The following LRP10 variants were observed in gnomAD, a reference collection of about 807,000 sequenced individuals.
LRP10 encodes low-density lipoprotein receptor-related protein 10.
Under a neutral mutation model 58.5 loss-of-function variants are expected in LRP10, and 42 were observed. The ratio of observed to expected loss-of-function variants is 0.72; its 90% CI spans 0.56 to 0.93. The LOEUF (loss-of-function observed/expected upper bound fraction) is 0.93, where lower values mean the gene tolerates loss of function less well. Among genes scored for constraint, LRP10 ranks in the 40% least tolerant of loss-of-function variants. The pLI, the probability that LRP10 is intolerant of heterozygous loss-of-function variation, is 0.00. For synonymous variants in LRP10, 377 were observed against 388.5 expected (o/e 0.97, Z 0.35); for missense variants, 872 against 940.1 (o/e 0.93, Z 0.95).
Position 22,877,513 on chromosome 14 carries a change from C to G in LRP10, c.2128C>G (p.Pro710Ala). ...GVWVAEAEDE[P>A]LLT Reference sequence around the variant, plus strand: ...GTGGGTAGCTGAGGCAGAGGATGAGCCACTGCTTACCTGAGGGGACCTGGG... The same window carrying G: ...GTGGGTAGCTGAGGCAGAGGATGAGGCACTGCTTACCTGAGGGGACCTGGG... Residue 710 changes from proline (P) to alanine (A), a missense_variant, in exon 7 of 7, where the codon CCA (proline) becomes GCA (alanine). By Grantham distance (27) the Pro-to-Ala change is conservative (BLOSUM62 -1). Transcript: ENST00000359591. This position sits in a 1 kb window ranked among gnomAD's most constrained non-coding sequence, Gnocchi z 5.1. 2 of 1,601,244 alleles carry G rather than the reference C, an allele frequency of 1.2e-6. No individual in the cohort carries two copies. Among genetic ancestry groups the G allele is most frequent in the Non-Finnish European group, 1.7e-6 (2 of 1,173,568 alleles).
Position 22,872,197 on chromosome 14 carries a change from C to T in LRP10, c.-107C>T, listed in dbSNP as rs948060274. The T allele has an allele frequency of 9.3e-6, 11 of 1,183,786 alleles. No homozygotes were observed. Among genetic ancestry groups the T allele is most frequent in the Non-Finnish European group, 1.3e-5 (10 of 790,034 alleles). The allele number at this position is 1,183,786 out of a possible 1,614,324, so 73.3% of individuals were successfully genotyped here. A position where few individuals can be genotyped will look rare whatever the true frequency, so the allele number is the denominator to read the frequency against. ...GTCGAGCCCGGGCCATGGAGCCCCC[C>T]TGGGGAGGCGGCACCAGGGAGCCTG... On this transcript the variant is annotated 5_prime_UTR_variant, in exon 1 of 7. Transcript: ENST00000359591.
At position 22,879,035 on chromosome 14, in the gene LRP10, T is replaced by C; in HGVS notation, c.*1508T>C. On this transcript the variant is annotated 3_prime_UTR_variant, in exon 7 of 7. Transcript: ENST00000359591. ...GAAAGAGGCTCCCCTCAGGCTCTCC[T>C]TGTCTAGCCCCACACCTGGCAGAGC... 1 of 343,902 alleles carries C rather than the reference T, an allele frequency of 2.9e-6. No homozygotes were observed. The highest frequency in any genetic ancestry group is 7.5e-5 in the East Asian group (1 of 13,272). 21.3% of individuals were successfully genotyped at this position (343,902 alleles called of 1,614,324 possible).
At chr14:22,874,614 A>G (rs553180606) in intron 3 of LRP10, among the ~76,000 whole-genome samples, 37 of 152,318 alleles carry the variant, frequency 2.4e-4, no homozygotes, top group Non-Finnish European at 4.7e-4. Flanking sequence ...GCTGCCGGGC[A>G]TGGTGGCTCA....
chr14:22,872,802 GGGGCTCCGT>G lies in LRP10; in HGVS notation c.79+26_79+34del. On this transcript the variant is annotated intron_variant, in intron 2 of 6. Transcript: ENST00000359591. ...ATCATGGTGAGTTGAGGGAACCTCT[GGGGCTCCGT>G]GGGCTTGGGAATGAGGGAGCAGTCG... 6.2e-7 allele frequency: 1 copy of G among 1,613,812 alleles called. No individual in the cohort carries two copies. Among genetic ancestry groups the G allele is most frequent in the Non-Finnish European group, 8.5e-7 (1 of 1,179,708 alleles).
rs752235601 is a variant in LRP10 at position 22,879,979 on chromosome 14, G to A, written c.*2452G>A. 5 of 152,202 alleles carry A rather than the reference G, an allele frequency of 3.3e-5. No homozygotes were observed. The highest frequency in any genetic ancestry group is 6.5e-5 in the Admixed American group (1 of 15,276). The allele number at this position is 152,202 out of a possible 1,614,324, so 9.4% of individuals were successfully genotyped here. On this transcript the variant is annotated 3_prime_UTR_variant, in exon 7 of 7. Transcript: ENST00000359591. ...AATATCCAAGGTGCTTGGTCTTAGC[G>A]GTGTGGGACCCACGTTAAGGCTCTT...
rs1351810934 is a variant in LRP10, at chr14:22,879,231, G to C, written c.*1704G>C. On this transcript the variant is annotated 3_prime_UTR_variant, in exon 7 of 7. Coordinates refer to ENST00000359591, the MANE Select transcript of LRP10 (RefSeq NM_014045.5). ...GAGCCTGAGGAAGTAGCAGAGAGGGGTGTGGGCCCATGTGCAGTTCTGGGA... is the reference window on the plus strand; with the variant it reads ...GAGCCTGAGGAAGTAGCAGAGAGGGCTGTGGGCCCATGTGCAGTTCTGGGA... The C allele has an allele frequency of 2.2e-6, 1 of 456,626 alleles. No individual in the cohort carries two copies. The highest frequency in any genetic ancestry group is 2.3e-5 in the Admixed American group (1 of 42,576). The allele number at this position is 456,626 out of a possible 1,614,324, so 28.3% of individuals were successfully genotyped here.
chr14:22,872,932 C>T (rs956809148), intron 2 of LRP10, 150 bp downstream of exon 2: 15 of 735,144 alleles, frequency 2.0e-5, no homozygotes, highest in Non-Finnish European at 3.2e-5. Flanking sequence ...AGCTGAGGCT[C>T]GGTGTGGACC....
At position 22,873,664 on chromosome 14, in the gene LRP10, G is replaced by A. The variant is rs561435701; in HGVS notation, c.215+218G>A. On this transcript the variant is annotated intron_variant, in intron 3 of 6. Transcript: ENST00000359591. ...CTTGGCCTCCCGAGTAGCTGGGATT[G>A]CAGGTGCCCGCCACCATGCCCAGCT... Among the ~76,000 whole-genome samples the A allele has an allele frequency of 7.9e-5, 12 of 151,996 alleles. No homozygotes were observed. In the East Asian group the frequency reaches 2.1e-3, roughly 27 times the overall value.
chr14:22,874,535 C>T (rs780112742), intron 3 of LRP10, among the ~76,000 whole-genome samples: 2 of 152,126 alleles, frequency 1.3e-5, no homozygotes, highest in Admixed American at 6.5e-5. Flanking sequence ...GGTCTCATGG[C>T]GATACCATGA....
chr14:22,872,377 C>G, intron 1 of LRP10, 40 bp downstream of exon 1: 2 of 1,613,294 alleles, frequency 1.2e-6, no homozygotes, highest in African/African-American at 2.7e-5. Flanking sequence ...CCTTCTGTCA[C>G]CGGGCCAGCA....
In LRP10 at chr14:22,875,647, C is replaced by T. The variant is rs2039995633; in HGVS notation, c.699C>T (p.Ala233=). 6.2e-7 allele frequency: 1 copy of T among 1,614,144 alleles called. No homozygotes were observed. Among genetic ancestry groups the T allele is most frequent in the Non-Finnish European group, 8.5e-7 (1 of 1,180,048 alleles). ...LLDPHDGRRL[A]VRFTALDLGF... is the part of the protein sequence containing the mutation. Reference sequence around the variant, plus strand: ...ACCCCCATGATGGCCGGCGGCTGGCCGTGCGCTTCACAGCCCTGGACTTGG... The same window carrying T: ...ACCCCCATGATGGCCGGCGGCTGGCTGTGCGCTTCACAGCCCTGGACTTGG... The change falls in exon 5 of 7, where the codon GCC becomes GCT. Residue 233 remains alanine, a synonymous_variant. Coordinates refer to ENST00000359591, the MANE Select transcript of LRP10 (RefSeq NM_014045.5).
In LRP10 at chr14:22,877,634, C is replaced by T; in HGVS notation, c.*107C>T. ...CCCCTCCACCACTTCCTTCCCTGTC[C>T]CTGGATTTCAGGGACTTGGTGGGCC... On this transcript the variant is annotated 3_prime_UTR_variant, in exon 7 of 7. Transcript: ENST00000359591. This position sits in a 1 kb window ranked among gnomAD's most constrained non-coding sequence, Gnocchi z 5.1. 3 of 852,334 alleles carry T rather than the reference C, an allele frequency of 3.5e-6. No homozygotes were observed. The South Asian group carries it at 5.8e-5, about 16-fold the overall frequency. 52.8% of individuals were successfully genotyped at this position (852,334 alleles called of 1,614,324 possible). A position where few individuals can be genotyped will look rare whatever the true frequency, so the allele number is the denominator to read the frequency against.
chr14:22,877,689 G>T lies in LRP10; in HGVS notation c.*162G>T, dbSNP rs527328463. On this transcript the variant is annotated 3_prime_UTR_variant, in exon 7 of 7. Coordinates refer to ENST00000359591, the MANE Select transcript of LRP10 (RefSeq NM_014045.5). The surrounding 1 kb of genome is among the most constrained non-coding windows in gnomAD (Gnocchi z 5.1). ...GTTGACCCTATGTAGCTGCTATAAAGTTAAGTGTCCCTCAGGCAGGGAGAG... is the reference window on the plus strand; with the variant it reads ...GTTGACCCTATGTAGCTGCTATAAATTTAAGTGTCCCTCAGGCAGGGAGAG... The T allele has an allele frequency of 2.4e-4, 136 of 569,488 alleles. 1 individual carries two copies. The African/African-American group carries it at 2.5e-3, about 10-fold the overall frequency. The allele number at this position is 569,488 out of a possible 1,614,324, so 35.3% of individuals were successfully genotyped here. A position where few individuals can be genotyped will look rare whatever the true frequency, so the allele number is the denominator to read the frequency against.
rs1258158099 is a variant in LRP10, at chr14:22,871,939, C to T, written c.-365C>T. 7.9e-6 allele frequency: 3 copies of T among 381,846 alleles called. No individual in the cohort carries two copies. Among genetic ancestry groups the T allele is most frequent in the Non-Finnish European group, 1.4e-5 (3 of 210,336 alleles). 23.7% of individuals were successfully genotyped at this position (381,846 alleles called of 1,614,324 possible). The stretch of plus-strand genomic sequence containing the variant: ...AAGTTTGGCCCGAAGAGGAAGTGGT[C>T]TCAAACCCCGGCAGGTGGCGACCAG... On this transcript the variant is annotated 5_prime_UTR_variant, in exon 1 of 7. Coordinates refer to ENST00000359591, the MANE Select transcript of LRP10 (RefSeq NM_014045.5).
rs370278128 is a variant in LRP10, at chr14:22,876,263, C to G, written c.1315C>G (p.Arg439Gly). 5 of 1,614,194 alleles carry G rather than the reference C, an allele frequency of 3.1e-6. No homozygotes were observed. The highest frequency in any genetic ancestry group is 4.2e-6 in the Non-Finnish European group (5 of 1,180,040). The change falls in exon 5 of 7, where the codon CGC becomes GGC. Residue 439 changes from arginine to glycine, a missense_variant. Arg to Gly is a moderately radical substitution (Grantham distance 125). Transcript: ENST00000359591. ...DEWDCSYVLP[R>G]KVITAAVIGS... ...GTGGGACTGCTCCTATGTTCTGCCCCGCAAGGTCATTACAGCTGCAGTCAT... is the reference window on the plus strand; with the variant it reads ...GTGGGACTGCTCCTATGTTCTGCCCGGCAAGGTCATTACAGCTGCAGTCAT...
Position 22,874,965 on chromosome 14 carries a change from T to G in LRP10, c.216-90T>G, listed in dbSNP as rs752122724. 1.9e-5 allele frequency: 17 copies of G among 908,260 alleles called. No homozygotes were observed. The East Asian group carries it at 4.6e-4, about 25-fold the overall frequency. 56.3% of individuals were successfully genotyped at this position (908,260 alleles called of 1,614,324 possible). On this transcript the variant is annotated intron_variant, in intron 3 of 6. Coordinates refer to ENST00000359591, the MANE Select transcript of LRP10 (RefSeq NM_014045.5). Reference sequence around the variant, plus strand: ...TGGATAAGCAGATGTTTATGCTTCCTGGGACACAAGGGGCCTGGTGGCACC... The same window carrying G: ...TGGATAAGCAGATGTTTATGCTTCCGGGGACACAAGGGGCCTGGTGGCACC...
At chr14:22,872,456 AGCCCCAGCACTGCCG>A in intron 1 of LRP10, 119 bp downstream of exon 1, 2 of 1,025,138 alleles carry the variant, frequency 2.0e-6, no homozygotes, top group Non-Finnish European at 2.8e-6. Context: ...CCCTGCCGCC[AGCCCCAGCACTGCCG>A]GCCCCAACCC....
rs1595033288 is a variant in LRP10, at chr14:22,879,446, C to T, written c.*1919C>T. 1.1e-5 allele frequency: 3 copies of T among 269,702 alleles called. No individual in the cohort carries two copies. Among genetic ancestry groups the T allele is most frequent in the East Asian group, 1.6e-4 (2 of 12,464 alleles). 16.7% of individuals were successfully genotyped at this position (269,702 alleles called of 1,614,324 possible). ...TGGAAATAGTGAAGCAGTGATTTTC[C>T]CTCCCCTGCCTCTCCATAGCCTGGT... On this transcript the variant is annotated 3_prime_UTR_variant, in exon 7 of 7. Transcript: ENST00000359591.
At position 22,875,089 on chromosome 14, in the gene LRP10, C is replaced by T. The variant is rs1323005278; in HGVS notation, c.250C>T (p.Arg84Cys). ...GCTACACCTGGCCTGTGGCTCAGAGCGCTTAACCCTACGCTCCCCTCTCCA... is the reference window on the plus strand; with the variant it reads ...GCTACACCTGGCCTGTGGCTCAGAGTGCTTAACCCTACGCTCCCCTCTCCA... Reference protein sequence around the residue: ...QKLHLACGSERLTLRSPLQPL... With the variant: ...QKLHLACGSECLTLRSPLQPL... The change falls in exon 4 of 7, where the codon CGC becomes TGC. Residue 84 changes from arginine to cysteine, a missense_variant. Coordinates refer to ENST00000359591, the MANE Select transcript of LRP10 (RefSeq NM_014045.5). The T allele has an allele frequency of 5.0e-6, 8 of 1,604,024 alleles. No individual in the cohort carries two copies. The highest frequency in any genetic ancestry group is 6.8e-6 in the Non-Finnish European group (8 of 1,174,726).
Sources: gnomAD v4.1 joint callset for allele counts (sites outside exome capture counted in the v4.1 genomes callset) on GRCh38, gnomAD v4.1.1 for gene constraint, Gnocchi (gnomAD v3.1) non-coding constraint, MANE v1.5 for transcripts, NCBI Gene and HGNC (gene_info 2026-07-23, HGNC 2026-07-21) for gene names.